PODXL2: variants seen among roughly 807,000 people sequenced by gnomAD.
PODXL2 encodes podocalyxin-like protein 2.
In PODXL2, 17 loss-of-function variants were observed where a neutral mutation model predicts 53.4. The observed-to-expected ratio is 0.32, with a 90% CI of 0.22 to 0.48. PODXL2 has a LOEUF of 0.48. PODXL2 is among the 20% of genes least tolerant of loss of function. PODXL2 has a pLI of 0.99. For synonymous variants in PODXL2, 311 were observed against 306.7 expected (o/e 1.01, Z -0.15); for missense variants, 673 against 760.0 (o/e 0.89, Z 1.35).
chr3:127,672,093 G>A (rs1467892503), intron 7 of PODXL2, among the ~76,000 whole-genome samples, 175 bp from the exon 8 acceptor site: 1 of 152,268 alleles, frequency 6.6e-6, no homozygotes, highest in Non-Finnish European at 1.5e-5. Context: ...TAGTGCCAAC[G>A]ACTAGTAGGT....
At chr3:127,656,907 G>A (rs2074728394) in intron 2 of PODXL2, among the ~76,000 whole-genome samples, 1 of 152,022 alleles carries the variant, frequency 6.6e-6, no homozygotes, top group African/African-American at 2.4e-5. Context: ...TTAGCGGGGT[G>A]TAGTGGCCCT....
chr3:127,664,155 G>A (rs1012667110), intron 4 of PODXL2, among the ~76,000 whole-genome samples: 6 of 151,872 alleles, frequency 4.0e-5, no homozygotes, highest in Non-Finnish European at 5.9e-5. Flanking sequence ...CCCCAGTCCC[G>A]GCACCCACCA....
chr3:127,670,919 G>A (rs948677154), intron 6 of PODXL2, among the ~76,000 whole-genome samples: 15 of 152,232 alleles, frequency 9.9e-5, no homozygotes, highest in Non-Finnish European at 5.9e-5. Context: ...CTGGGCAGCC[G>A]GGGTGGCCCC....
intron 7 of PODXL2, 98 bp downstream of exon 7, chr3:127,671,711 C>T (rs1325121708): frequency 1.4e-5 from 16 of 1,185,166 alleles, no homozygotes; most frequent in Non-Finnish European, 1.8e-5. Context: ...CTCTCCTGGG[C>T]GCACAGGGTC....
chr3:127,666,360 T>C (rs1341980879), intron 4 of PODXL2, among the ~76,000 whole-genome samples: 5 of 112,716 alleles, frequency 4.4e-5, no homozygotes, highest in African/African-American at 9.8e-5. Flanking sequence ...AGAGAGGTAC[T>C]TCTTTTTTTT....
chr3:127,640,491 A>G (rs2074608998), intron 2 of PODXL2, among the ~76,000 whole-genome samples: 1 of 152,138 alleles, frequency 6.6e-6, no homozygotes, highest in Non-Finnish European at 1.5e-5. Context: ...ACTTGGGGTC[A>G]GGAGTTTGAG....
intron 2 of PODXL2, among the ~76,000 whole-genome samples, chr3:127,649,488 T>C (rs1319556504): frequency 2.0e-5 from 3 of 152,368 alleles, no homozygotes; most frequent in Non-Finnish European, 4.4e-5. Context: ...TCTCCAGAAA[T>C]GTGGCCTGCT....
intron 2 of PODXL2, among the ~76,000 whole-genome samples, chr3:127,649,500 TC>T (rs2074675819): frequency 6.6e-6 from 1 of 152,246 alleles, no homozygotes; most frequent in Non-Finnish European, 1.5e-5. Flanking sequence ...TGGCCTGCTT[TC>T]CTTCCCATCC....
At chr3:127,630,540 G>A (rs989156165) in intron 1 of PODXL2, among the ~76,000 whole-genome samples, 6 of 152,184 alleles carry the variant, frequency 3.9e-5, no homozygotes, top group African/African-American at 1.4e-4. Context: ...AACTAGTGAA[G>A]GGTCTCTATG....
At chr3:127,655,612 A>G (rs2074719512) in intron 2 of PODXL2, among the ~76,000 whole-genome samples, 1 of 152,220 alleles carries the variant, frequency 6.6e-6, no homozygotes, top group Admixed American at 6.5e-5. Context: ...AGCATGTCCA[A>G]GATCATACAG....
intron 2 of PODXL2, among the ~76,000 whole-genome samples, chr3:127,651,310 GA>G (rs201274354): frequency 0.018 from 2,679 of 152,280 alleles, 39 homozygotes; most frequent in Middle Eastern, 0.027. Context: ...GTTTTCACAA[GA>G]GAAGGATGAA....
chr3:127,667,169 T>TG (rs2074798960), intron 4 of PODXL2, among the ~76,000 whole-genome samples: 1 of 152,272 alleles, frequency 6.6e-6, no homozygotes, highest in Non-Finnish European at 1.5e-5. Flanking sequence ...TGCCAAGGCT[T>TG]GAGCCTGAGC....
chr3:127,671,986 G>A (rs1023707049), intron 7 of PODXL2, among the ~76,000 whole-genome samples: 4 of 152,244 alleles, frequency 2.6e-5, no homozygotes, highest in Admixed American at 6.5e-5. Flanking sequence ...GAGGAAGCGA[G>A]CAGAGCCCTA....
intron 2 of PODXL2, among the ~76,000 whole-genome samples, chr3:127,654,841 C>T (rs1018696952): frequency 5.3e-5 from 8 of 152,332 alleles, no homozygotes; most frequent in Non-Finnish European, 8.8e-5. Flanking sequence ...AATCCCAGCA[C>T]TTTGGAGGGC....
At chr3:127,661,522 C>A (rs2074767430) in intron 3 of PODXL2, among the ~76,000 whole-genome samples, 4 of 152,078 alleles carry the variant, frequency 2.6e-5, no homozygotes, top group African/African-American at 7.2e-5. Flanking sequence ...CTGCAACCTC[C>A]ACCGCCCAGG....
intron 1 of PODXL2, among the ~76,000 whole-genome samples, chr3:127,636,349 AG>A (rs2074578294): frequency 6.6e-6 from 1 of 152,214 alleles, no homozygotes; most frequent in East Asian, 1.9e-4. Context: ...AGAGTAGCTT[AG>A]GGTCCCCCCG....
In PODXL2 at chr3:127,671,605, A is replaced by G. The variant is rs746785698; in HGVS notation, c.1597A>G (p.Lys533Glu). Reference protein sequence around the residue: ...NCWQRRLPKLKHVSHGEELRF... With the variant: ...NCWQRRLPKLEHVSHGEELRF... ...CTGGCAGCGCCGGCTGCCCAAGCTCAAGCACGTGGTGAGTGTGGGGACAGG... is the reference window on the plus strand; with the variant it reads ...CTGGCAGCGCCGGCTGCCCAAGCTCGAGCACGTGGTGAGTGTGGGGACAGG... The change falls in exon 7 of 8, where the codon AAG becomes GAG. Residue 533 changes from lysine to glutamate, a missense_variant. Around this residue, in one of 3 missense-constraint regions of PODXL2, gnomAD observed 588 missense variants for 668.3 expected, o/e 0.88. Coordinates refer to ENST00000342480, the MANE Select transcript of PODXL2 (RefSeq NM_015720.4). The G allele has an allele frequency of 3.7e-6, 6 of 1,613,340 alleles. No homozygotes were observed. The highest frequency in any genetic ancestry group is 1.7e-4 in the Middle Eastern group (1 of 6,054).
intron 2 of PODXL2, among the ~76,000 whole-genome samples, chr3:127,649,906 C>T (rs2074678220): frequency 6.6e-6 from 1 of 152,202 alleles, no homozygotes; most frequent in South Asian, 2.1e-4. Flanking sequence ...TGCTGCACTC[C>T]AGCCTGGACA....
intron 4 of PODXL2, among the ~76,000 whole-genome samples, chr3:127,668,026 G>C (rs1024527754): frequency 7.2e-5 from 11 of 152,056 alleles, no homozygotes; most frequent in Non-Finnish European, 1.6e-4. Flanking sequence ...TGAGCACTAG[G>C]CACAGGGAGC....
Sources: allele counts gnomAD v4.1 joint callset (sites outside exome capture counted in the v4.1 genomes callset), GRCh38; gene constraint gnomAD v4.1.1; regional missense constraint gnomAD v4.1.1; transcripts MANE v1.5; gene names NCBI Gene and HGNC (gene_info 2026-07-23, HGNC 2026-07-21).